The following EIF5A2 variants were observed in gnomAD, a reference collection of about 807,000 sequenced individuals.
EIF5A2 encodes eukaryotic translation initiation factor 5A2.
EIF5A2 carries 15 observed loss-of-function variants against 16.4 expected under a neutral mutation model. The observed-to-expected ratio is 0.92, with a 90% CI of 0.61 to 1.41. EIF5A2 has a LOEUF of 1.41. EIF5A2 is among the 40% of genes most tolerant of loss of function. EIF5A2 has a pLI of 0.00. For missense variants in EIF5A2, 144 were observed against 189.5 expected, an observed-to-expected ratio of 0.76 and a Z score of 1.41; for synonymous variants, 48 against 61.1, an observed-to-expected ratio of 0.79 and a Z score of 1.00.
At chr3:170,896,904 T>C (rs1355887756) in intron 3 of EIF5A2, among the ~76,000 whole-genome samples, 1 of 152,208 alleles carries the variant, frequency 6.6e-6, no homozygotes, top group African/African-American at 2.4e-5. Context: ...GACAATGATA[T>C]GGACAGTGAA....
At chr3:170,901,266 T>C (rs1712806400) in intron 3 of EIF5A2, among the ~76,000 whole-genome samples, 1 of 152,218 alleles carries the variant, frequency 6.6e-6, no homozygotes, top group Non-Finnish European at 1.5e-5. Flanking sequence ...TTCATTATAC[T>C]ATACTTTGAA....
chr3:170,889,772 C>T lies in EIF5A2; in HGVS notation c.*3588G>A, dbSNP rs557633177. 19 of 152,494 alleles carry T rather than the reference C, an allele frequency of 1.2e-4. No individual in the cohort carries two copies. In the South Asian group the frequency reaches 3.9e-3, roughly 32 times the overall value. The allele number at this position is 152,494 out of a possible 1,614,324, so 9.4% of individuals were successfully genotyped here. ...TGTTTGGTGAACCTCTACATCAATG[C>T]CTGGCTCCAAAACTATCTCTGGGGT... On this transcript the variant is annotated 3_prime_UTR_variant, in exon 5 of 5. Coordinates refer to ENST00000295822, the MANE Select transcript of EIF5A2 (RefSeq NM_020390.6).
At chr3:170,901,950 A>G (rs1712827079) in intron 3 of EIF5A2, among the ~76,000 whole-genome samples, 1 of 152,256 alleles carries the variant, frequency 6.6e-6, no homozygotes, top group Middle Eastern at 3.4e-3. Flanking sequence ...TGAATGCTTT[A>G]TCACTATTAT....
chr3:170,899,844 A>C (rs1429599704), intron 3 of EIF5A2, among the ~76,000 whole-genome samples: 1 of 152,038 alleles, frequency 6.6e-6, no homozygotes, highest in African/African-American at 2.4e-5. Context: ...GAAGGTGGGG[A>C]TGGTAAGGAA....
rs925563433 is a variant in EIF5A2, at chr3:170,891,652, C to CA, written c.*1707dup. 2 of 152,428 alleles carry CA rather than the reference C, an allele frequency of 1.3e-5. No individual in the cohort carries two copies. The highest frequency in any genetic ancestry group is 2.9e-5 in the Non-Finnish European group (2 of 67,998). 9.4% of individuals were successfully genotyped at this position (152,428 alleles called of 1,614,324 possible). ...TAGGAACAAAGGGCTTTTTAGAGGTCAAGGCATGATGGGAGAGGTCTAAGA... is the reference window on the plus strand; with the variant it reads ...TAGGAACAAAGGGCTTTTTAGAGGTCAAAGGCATGATGGGAGAGGTCTAAGA... On this transcript the variant is annotated 3_prime_UTR_variant, in exon 5 of 5. Transcript: ENST00000295822.
chr3:170,901,001 G>A (rs1182874524), intron 3 of EIF5A2, among the ~76,000 whole-genome samples: 1 of 152,212 alleles, frequency 6.6e-6, no homozygotes, highest in Non-Finnish European at 1.5e-5. Flanking sequence ...ACATTATGGA[G>A]TAGTCCTGCT....
At chr3:170,896,591 G>A (rs748101085) in intron 3 of EIF5A2, among the ~76,000 whole-genome samples, 2 of 152,058 alleles carry the variant, frequency 1.3e-5, no homozygotes, top group African/African-American at 2.4e-5. Flanking sequence ...CTTCCCCTTC[G>A]CCTTCTGCCG....
In EIF5A2 at chr3:170,889,935, T is replaced by C. The variant is rs1444287992; in HGVS notation, c.*3425A>G. ...CTGTTTCCATTTTTTTCTTGACTAT[T>C]TAGCATGTAGTTTAAGTGTGTTGAC... On this transcript the variant is annotated 3_prime_UTR_variant, in exon 5 of 5. Transcript: ENST00000295822. 6.6e-6 allele frequency: 1 copy of C among 152,542 alleles called. No individual in the cohort carries two copies. The highest frequency in any genetic ancestry group is 1.5e-5 in the Non-Finnish European group (1 of 67,956). 9.4% of individuals were successfully genotyped at this position (152,542 alleles called of 1,614,324 possible).
intron 2 of EIF5A2, 86 bp downstream of exon 2, chr3:170,907,556 G>A: frequency 2.2e-6 from 3 of 1,376,368 alleles, no homozygotes; most frequent in Admixed American, 2.4e-5. Context: ...AAAATTTTAA[G>A]TATAGAAATC....
chr3:170,900,395 G>C (rs1290946353), intron 3 of EIF5A2, among the ~76,000 whole-genome samples: 4 of 151,442 alleles, frequency 2.6e-5, no homozygotes, highest in African/African-American at 9.7e-5. Context: ...AAAAAGAATG[G>C]GGTATTTTTT....
At position 170,907,948 on chromosome 3, in the gene EIF5A2, A is replaced by G. The variant is rs1395321360; in HGVS notation, c.-35-107T>C. 4 of 866,126 alleles carry G rather than the reference A, an allele frequency of 4.6e-6. No individual in the cohort carries two copies. The Admixed American group carries it at 9.4e-5, about 20-fold the overall frequency. 53.7% of individuals were successfully genotyped at this position (866,126 alleles called of 1,614,324 possible). On this transcript the variant is annotated intron_variant, in intron 1 of 4. Transcript: ENST00000295822. ...AGCATCATGGGCCCGTTATTTCTGC[A>G]TGTAAGGAACACCCACCCTAGACTA...
chr3:170,897,771 GGGACACTGCCTA>G (rs780579212), intron 3 of EIF5A2, among the ~76,000 whole-genome samples: 1 of 152,232 alleles, frequency 6.6e-6, no homozygotes, highest in Non-Finnish European at 1.5e-5. Flanking sequence ...AGTCCCCACT[GGGACACTGCCTA>G]GTGGAGCTGT....
intron 3 of EIF5A2, among the ~76,000 whole-genome samples, chr3:170,901,192 A>G (rs1472634298): frequency 1.3e-5 from 2 of 152,240 alleles, no homozygotes; most frequent in Non-Finnish European, 2.9e-5. Flanking sequence ...TCTTTGTCAA[A>G]AAATTGCAGA....
In EIF5A2 at chr3:170,899,985, C is replaced by G. The variant is rs575128567; in HGVS notation, c.271-5562G>C. ...TTGTTAGTAGCAAGCAGGGAGACAG[C>G]AGAGGTGAGGGTCAAAAAACTTTAG... On this transcript the variant is annotated intron_variant, in intron 3 of 4. Transcript: ENST00000295822. Among the ~76,000 whole-genome samples the G allele has an allele frequency of 2.6e-5, 4 of 151,174 alleles. No homozygotes were observed. In the South Asian group the frequency reaches 8.3e-4, roughly 31 times the overall value.
chr3:170,903,243 G>T (rs1364218253), intron 3 of EIF5A2, among the ~76,000 whole-genome samples: 1 of 152,150 alleles, frequency 6.6e-6, no homozygotes, highest in Non-Finnish European at 1.5e-5. Flanking sequence ...TCCTGTCATA[G>T]TATCTCACAC....
chr3:170,903,527 A>G (rs1016031109), intron 3 of EIF5A2, among the ~76,000 whole-genome samples: 2 of 152,180 alleles, frequency 1.3e-5, no homozygotes, highest in Non-Finnish European at 2.9e-5. Flanking sequence ...GGCTCTTCTC[A>G]TGATTACCCT....
intron 3 of EIF5A2, 64 bp downstream of exon 3, chr3:170,906,925 T>C (rs1560011563): frequency 9.4e-7 from 1 of 1,068,040 alleles, no homozygotes. Flanking sequence ...AAATTATTAC[T>C]GATAGTACAA....
rs1712580149 is a variant in EIF5A2 at position 170,893,335 on chromosome 3, C to T, written c.*25G>A. On this transcript the variant is annotated 3_prime_UTR_variant, in exon 5 of 5. Transcript: ENST00000295822. ...GATCTGCAGTTGATTCAGACATAAA[C>T]AGTGTTCATGCCTGATGTTTCCGTT... 1 of 1,612,972 alleles carries T rather than the reference C, an allele frequency of 6.2e-7. No homozygotes were observed. The highest frequency in any genetic ancestry group is 8.5e-7 in the Non-Finnish European group (1 of 1,179,468).
At chr3:170,898,859 CTTA>C (rs976572909) in intron 3 of EIF5A2, among the ~76,000 whole-genome samples, 1 of 151,356 alleles carries the variant, frequency 6.6e-6, no homozygotes, top group East Asian at 1.9e-4. Context: ...CATATATATT[CTTA>C]TTATTTTTAC....
Sources: allele counts gnomAD v4.1 joint callset (sites outside exome capture counted in the v4.1 genomes callset), GRCh38; gene constraint gnomAD v4.1.1; transcripts MANE v1.5; gene names NCBI Gene and HGNC (gene_info 2026-07-23, HGNC 2026-07-21).